Variants in SRBD1 observed in about 807,000 individuals in gnomAD.
SRBD1 encodes S1 RNA binding domain 1, also known as S1 RNA-binding domain-containing protein 1.
A neutral mutation model predicts 115.3 loss-of-function variants in SRBD1; 88 were observed. The ratio of observed to expected loss-of-function variants is 0.76; its 90% CI spans 0.64 to 0.91. SRBD1 has a LOEUF of 0.91. SRBD1 is among the 40% of genes least tolerant of loss of function. The pLI is 0.00. For synonymous variants in SRBD1, 509 were observed against 407.7 expected (o/e 1.25, Z -2.99); for missense variants, 1,385 against 1,177.4 (o/e 1.18, Z -2.58).
chr2:45,509,138 G>A (rs763594032), intron 14 of SRBD1, among the ~76,000 whole-genome samples: 20 of 152,032 alleles, frequency 1.3e-4, no homozygotes, highest in Non-Finnish European at 2.8e-4. Flanking sequence ...TTGATATCAA[G>A]CAACCTACTT....
At chr2:45,517,265 T>G (rs1671148099) in intron 14 of SRBD1, among the ~76,000 whole-genome samples, 1 of 152,246 alleles carries the variant, frequency 6.6e-6, no homozygotes, top group Non-Finnish European at 1.5e-5. Flanking sequence ...TAGCTCTGCT[T>G]TGGCATTTTC....
intron 4 of SRBD1, among the ~76,000 whole-genome samples, chr2:45,588,755 TAC>T (rs987634369): frequency 6.6e-6 from 1 of 152,192 alleles, no homozygotes; most frequent in Non-Finnish European, 1.5e-5. Flanking sequence ...TCTGAAGAAA[TAC>T]AGTTTGTAGA....
At chr2:45,591,551 T>A (rs1673725002) in intron 4 of SRBD1, among the ~76,000 whole-genome samples, 1 of 152,128 alleles carries the variant, frequency 6.6e-6, no homozygotes, top group Admixed American at 6.6e-5. Flanking sequence ...CATTGGACAG[T>A]TACATGTACA....
chr2:45,551,045 C>G, intron 12 of SRBD1, 80 bp downstream of exon 12: 9 of 1,482,844 alleles, frequency 6.1e-6, no homozygotes, highest in Non-Finnish European at 7.2e-6. Context: ...AACATTATTT[C>G]CAAATCCTCA....
chr2:45,431,267 A>G (rs1204601233), intron 16 of SRBD1, among the ~76,000 whole-genome samples: 1 of 152,204 alleles, frequency 6.6e-6, no homozygotes, highest in Non-Finnish European at 1.5e-5. Context: ...CTAGAACCAG[A>G]AACACCATTT....
chr2:45,494,211 T>TA (rs1302384172), intron 14 of SRBD1, among the ~76,000 whole-genome samples: 1 of 152,198 alleles, frequency 6.6e-6, no homozygotes, highest in African/African-American at 2.4e-5. Flanking sequence ...AAAGCAGGCT[T>TA]ATGTAATATA....
intron 18 of SRBD1, among the ~76,000 whole-genome samples, chr2:45,415,642 AGGAGGGGAGG>A (rs1171083231): frequency 0.047 from 2,457 of 52,772 alleles, 267 homozygotes; most frequent in South Asian, 0.12. Context: ...GTGAGAGAAA[AGGAGGGGAGG>A]GGAGGGGAGG....
At chr2:45,502,598 G>A (rs1037494520) in intron 14 of SRBD1, among the ~76,000 whole-genome samples, 10 of 151,120 alleles carry the variant, frequency 6.6e-5, no homozygotes, top group Non-Finnish European at 1.2e-4. Flanking sequence ...ACCATACACC[G>A]CATGTTCTCA....
chr2:45,494,640 T>G (rs1670400673), intron 14 of SRBD1, among the ~76,000 whole-genome samples: 1 of 152,222 alleles, frequency 6.6e-6, no homozygotes, highest in Non-Finnish European at 1.5e-5. Flanking sequence ...ACTTGGTCCT[T>G]GCCCTCTTGA....
intron 16 of SRBD1, among the ~76,000 whole-genome samples, chr2:45,462,473 A>T (rs898524241): frequency 6.6e-6 from 1 of 152,168 alleles, no homozygotes; most frequent in East Asian, 1.9e-4. Context: ...TATGTCAGAA[A>T]ATTATCCCTT....
intron 3 of SRBD1, among the ~76,000 whole-genome samples, chr2:45,600,864 TC>T (rs1674070527): frequency 1.3e-5 from 2 of 152,198 alleles, no homozygotes; most frequent in Admixed American, 1.3e-4. Context: ...AAGTATTTTT[TC>T]CAGAATCACT....
rs182383803 is a variant in SRBD1 at position 45,541,509 on chromosome 2, A to G, written c.1874+5223T>C. Among the ~76,000 whole-genome samples, 724 of 152,344 alleles carry G rather than the reference A, an allele frequency of 4.8e-3. 2 individuals carry two copies. Among genetic ancestry groups the G allele is most frequent in the Non-Finnish European group, 7.4e-3 (506 of 68,034 alleles). ...AAGAATGAGGTATGTGGACAACTGG[A>G]GGGTGAGCAAGGCAGAGAGGAACTT... On this transcript the variant is annotated intron_variant, in intron 14 of 20. Coordinates refer to ENST00000263736, the MANE Select transcript of SRBD1 (RefSeq NM_018079.5).
At chr2:45,399,652 A>C (rs920765762) in intron 19 of SRBD1, among the ~76,000 whole-genome samples, 1 of 152,146 alleles carries the variant, frequency 6.6e-6, no homozygotes, top group Admixed American at 6.6e-5. Flanking sequence ...AGACAGATTT[A>C]GATCTCTGAT....
intron 7 of SRBD1, 91 bp from the exon 8 acceptor site, chr2:45,574,814 T>C (rs779129426): frequency 1.8e-6 from 2 of 1,134,186 alleles, no homozygotes; most frequent in Non-Finnish European, 2.5e-6. Flanking sequence ...TTAATTCCAG[T>C]CAAAATAAAA....
intron 9 of SRBD1, among the ~76,000 whole-genome samples, chr2:45,571,002 A>G (rs897728718): frequency 2.0e-5 from 3 of 152,190 alleles, no homozygotes; most frequent in Non-Finnish European, 4.4e-5. Flanking sequence ...GTGAAAAAAT[A>G]AACTTGGAAA....
chr2:45,545,342 C>T (rs1672083439), intron 14 of SRBD1, among the ~76,000 whole-genome samples: 1 of 145,978 alleles, frequency 6.9e-6, no homozygotes, highest in African/African-American at 2.6e-5. Context: ...TGTCTGACCC[C>T]ACAGTTCATC....
chr2:45,565,872 T>A (rs1031694656), intron 9 of SRBD1, among the ~76,000 whole-genome samples: 1 of 152,220 alleles, frequency 6.6e-6, no homozygotes, highest in Non-Finnish European at 1.5e-5. Context: ...GCGATCCGCC[T>A]GCCTCAACCT....
At chr2:45,522,806 T>C (rs1671325572) in intron 14 of SRBD1, among the ~76,000 whole-genome samples, 1 of 152,222 alleles carries the variant, frequency 6.6e-6, no homozygotes, top group Non-Finnish European at 1.5e-5. Flanking sequence ...GCTTACTTTA[T>C]TGTAACAATA....
intron 12 of SRBD1, among the ~76,000 whole-genome samples, chr2:45,549,787 C>G (rs1380523412): frequency 2.7e-5 from 4 of 150,560 alleles, no homozygotes; most frequent in African/African-American, 9.8e-5. Context: ...AGTTTGAGCA[C>G]AGGAAGCAGA....
Sources: allele counts gnomAD v4.1 joint callset (sites outside exome capture counted in the v4.1 genomes callset), GRCh38; gene constraint gnomAD v4.1.1; transcripts MANE v1.5; gene names NCBI Gene and HGNC (gene_info 2026-07-23, HGNC 2026-07-21).